Variants in PCDHA5 observed in about 807,000 individuals in gnomAD.
The protein encoded by PCDHA5 is protocadherin alpha 5, also known as protocadherin alpha-5.
Under a neutral mutation model 61.6 loss-of-function variants are expected in PCDHA5, and 43 were observed. The ratio of observed to expected loss-of-function variants is 0.70; its 90% CI spans 0.55 to 0.90. The LOEUF is 0.90. Ranked by LOEUF, PCDHA5 falls within the 40% of genes least tolerant of loss-of-function variation. PCDHA5 has a pLI of 0.00. For synonymous variants in PCDHA5, 627 were observed against 543.9 expected (o/e 1.15, Z -2.13); for missense variants, 1,298 against 1,222.7 (o/e 1.06, Z -0.92).
chr5:140,842,052 A>T (rs1777672472), intron 1 of PCDHA5: 1 of 1,613,748 alleles, frequency 6.2e-7, no homozygotes, highest in African/African-American at 1.3e-5. Context: ...ACTTTCGAAC[A>T]GTCTGAATAC....
At chr5:140,836,095 G>C (rs2150252666) in intron 1 of PCDHA5, 6 of 1,613,694 alleles carry the variant, frequency 3.7e-6, no homozygotes, top group Non-Finnish European at 5.1e-6. Flanking sequence ...CCTCGGGTGG[G>C]TGGCACTGGT....
rs2150111777 is a variant in PCDHA5, at chr5:140,821,900, C to A, written c.125C>A (p.Thr42Asn). Residue 42 changes from threonine to asparagine, a missense_variant, in exon 1 of 4, where the codon ACC (threonine) becomes AAC (asparagine). Coordinates refer to ENST00000529859, the MANE Select transcript of PCDHA5 (RefSeq NM_018908.3). ...ATCCCGGAGGAAGCCAAACACGGAA[C>A]CTTCGTTGGCCGCATCGCGCAGGAC... is the stretch of plus-strand genomic sequence containing the variant. ...YSIPEEAKHG[T>N]FVGRIAQDLG... 24 of 1,614,088 alleles carry A rather than the reference C, an allele frequency of 1.5e-5. No individual in the cohort carries two copies. The East Asian group carries it at 2.4e-4, about 16-fold the overall frequency.
At chr5:140,869,582 C>T (rs936485472) in intron 1 of PCDHA5, 7 of 1,614,088 alleles carry the variant, frequency 4.3e-6, no homozygotes, top group Middle Eastern at 1.6e-4. Context: ...GCTTCTGATG[C>T]TGACATTGAA....
At chr5:140,876,309 TG>T (rs782243460) in intron 1 of PCDHA5, 8 of 1,613,946 alleles carry the variant, frequency 5.0e-6, no homozygotes, top group Non-Finnish European at 6.8e-6. Flanking sequence ...AAATTTCCTA[TG>T]GGATCAAAAT....
chr5:140,967,698 A>T, intron 1 of PCDHA5: 1 of 1,614,174 alleles, frequency 6.2e-7, no homozygotes, highest in Non-Finnish European at 8.5e-7. Context: ...TTCAGCATAG[A>T]TGCCAGTACC....
intron 3 of PCDHA5, among the ~76,000 whole-genome samples, chr5:141,000,421 ATTTT>A (rs34755515): frequency 0.018 from 509 of 27,798 alleles, 2 homozygotes; most frequent in African/African-American, 0.027. Context: ...ATATATATAT[ATTTT>A]TTTTTTTTTT....
intron 1 of PCDHA5, chr5:140,863,573 C>T (rs2048075555): frequency 5.4e-6 from 2 of 367,848 alleles, no homozygotes; most frequent in South Asian, 4.3e-5. Flanking sequence ...AATATAAGTA[C>T]TGTAATCCTG....
Position 140,858,189 on chromosome 5 carries a change from T to C in PCDHA5, c.2352+34062T>C. The C allele has an allele frequency of 1.3e-6, 2 of 1,597,232 alleles. 1 individual carries two copies. Among genetic ancestry groups the C allele is most frequent in the Non-Finnish European group, 1.7e-6 (2 of 1,167,008 alleles). On this transcript the variant is annotated intron_variant, in intron 1 of 3. Coordinates refer to ENST00000529859, the MANE Select transcript of PCDHA5 (RefSeq NM_018908.3). ...TCCAGCTTGCTGGTGCTCACGCTGC[T>C]GCTGTACACTGCACTGAGGTGCTCG...
At chr5:140,968,349 G>A (rs1554230631) in intron 1 of PCDHA5, 2 of 1,614,128 alleles carry the variant, frequency 1.2e-6, no homozygotes, top group Admixed American at 3.3e-5. Context: ...AACAGTGCCA[G>A]TGGCAGCCTT....
chr5:140,869,517 A>AT, intron 1 of PCDHA5: 1 of 1,614,200 alleles, frequency 6.2e-7, no homozygotes, highest in East Asian at 2.2e-5. Flanking sequence ...TCAGAGAACA[A>AT]AAGCTGCTGA....
At chr5:140,988,169 A>G (rs1384072642) in intron 3 of PCDHA5, among the ~76,000 whole-genome samples, 3 of 152,128 alleles carry the variant, frequency 2.0e-5, no homozygotes. Flanking sequence ...TGTCATAGCA[A>G]TGACAGTCCT....
intron 3 of PCDHA5, among the ~76,000 whole-genome samples, chr5:140,987,826 G>T (rs1481540038): frequency 6.6e-6 from 1 of 152,014 alleles, no homozygotes; most frequent in Non-Finnish European, 1.5e-5. Flanking sequence ...TTTCCTTAGG[G>T]GATTGCTTTT....
chr5:140,840,079 T>C lies in PCDHA5; in HGVS notation c.2352+15952T>C, dbSNP rs2150303127. Among the ~76,000 whole-genome samples the C allele has an allele frequency of 4.9e-4, 75 of 152,120 alleles. 1 individual carries two copies. The highest frequency in any genetic ancestry group is 8.7e-4 in the Non-Finnish European group (59 of 67,972). On this transcript the variant is annotated intron_variant, in intron 1 of 3. Coordinates refer to ENST00000529859, the MANE Select transcript of PCDHA5 (RefSeq NM_018908.3). The stretch of plus-strand genomic sequence containing the variant: ...TCTTGACAATTAGTCAATAGAAAGA[T>C]AAACTTGTTGAAGATTTTAGTGAAA...
chr5:140,841,702 T>G (rs1554138466), intron 1 of PCDHA5: 1 of 1,613,896 alleles, frequency 6.2e-7, no homozygotes, highest in Non-Finnish European at 8.5e-7. Flanking sequence ...AGGATGTTAA[T>G]GACAACCCGC....
At chr5:140,995,025 C>A (rs1304675289) in intron 3 of PCDHA5, among the ~76,000 whole-genome samples, 1 of 152,146 alleles carries the variant, frequency 6.6e-6, no homozygotes, top group Non-Finnish European at 1.5e-5. Context: ...AAAGAAGATT[C>A]TTTTAAGTTT....
At chr5:140,870,142 C>T (rs782428763) in intron 1 of PCDHA5, 3 of 1,613,946 alleles carry the variant, frequency 1.9e-6, no homozygotes, top group South Asian at 1.1e-5. Flanking sequence ...CGATAACTCT[C>T]CTGAAGTCGC....
At chr5:140,903,927 G>A (rs1202330297) in intron 1 of PCDHA5, among the ~76,000 whole-genome samples, 1 of 152,158 alleles carries the variant, frequency 6.6e-6, no homozygotes, top group Non-Finnish European at 1.5e-5. Context: ...TGCTGCATTG[G>A]ATAATACCTC....
At chr5:140,975,352 T>G (rs2096663445) in intron 1 of PCDHA5, among the ~76,000 whole-genome samples, 1 of 152,256 alleles carries the variant, frequency 6.6e-6, no homozygotes, top group African/African-American at 2.4e-5. Flanking sequence ...TAAAGCCAAC[T>G]GTGCTACATA....
intron 1 of PCDHA5, chr5:140,835,530 G>A (rs140697336): frequency 4.3e-6 from 7 of 1,613,820 alleles, no homozygotes; most frequent in Admixed American, 1.7e-5. Flanking sequence ...TGGAGTCAAC[G>A]GACAGGTTAC....
Sources: gnomAD v4.1 joint callset for allele counts (sites outside exome capture counted in the v4.1 genomes callset) on GRCh38, gnomAD v4.1.1 for gene constraint, MANE v1.5 for transcripts, NCBI Gene and HGNC (gene_info 2026-07-23, HGNC 2026-07-21) for gene names.